The following ERC2 variants were observed in gnomAD, a reference collection of about 807,000 sequenced individuals.
ERC2 encodes the protein ELKS/RAB6-interacting/CAST family member 2.
A neutral mutation model predicts 114.8 loss-of-function variants in ERC2; 42 were observed. The ratio of observed to expected loss-of-function variants is 0.37; its 90% CI spans 0.29 to 0.47. The LOEUF (loss-of-function observed/expected upper bound fraction) is 0.47. ERC2 is among the 20% of genes least tolerant of loss of function. The pLI is 0.99. For missense variants in ERC2, 939 were observed against 1,150.7 expected (o/e 0.82, Z 2.66); for synonymous variants, 454 against 425.5 (o/e 1.07, Z -0.82).
At chr3:56,230,433 T>G (rs986128809) in intron 3 of ERC2, among the ~76,000 whole-genome samples, 1 of 152,130 alleles carries the variant, frequency 6.6e-6, no homozygotes, top group African/African-American at 2.4e-5. Flanking sequence ...GTTTTTTGTT[T>G]GTTTTTTGTA....
At chr3:56,153,505 A>G (rs2081540128) in intron 4 of ERC2, among the ~76,000 whole-genome samples, 2 of 152,162 alleles carry the variant, frequency 1.3e-5, no homozygotes, top group African/African-American at 2.4e-5. Flanking sequence ...GGGTAACTCT[A>G]TTTTCCAAAT....
chr3:55,747,609 T>C (rs1343443507), intron 14 of ERC2, among the ~76,000 whole-genome samples: 1 of 152,250 alleles, frequency 6.6e-6, no homozygotes, highest in Non-Finnish European at 1.5e-5. Context: ...GAAAACACAC[T>C]AAGCCTATCT....
At chr3:55,633,338 C>T (rs2059831357) in intron 17 of ERC2, among the ~76,000 whole-genome samples, 1 of 152,184 alleles carries the variant, frequency 6.6e-6, no homozygotes, top group African/African-American at 2.4e-5. Flanking sequence ...CCAGCAAAAC[C>T]TGCACTGTGG....
intron 2 of ERC2, among the ~76,000 whole-genome samples, chr3:56,422,677 C>T (rs2061430282): frequency 6.6e-6 from 1 of 152,168 alleles, no homozygotes; most frequent in African/African-American, 2.4e-5. Context: ...CCTTGGTTTT[C>T]AAGCAAGTTT....
At chr3:56,400,058 G>A (rs1387646669) in intron 2 of ERC2, among the ~76,000 whole-genome samples, 2 of 151,998 alleles carry the variant, frequency 1.3e-5, no homozygotes, top group African/African-American at 4.8e-5. Context: ...GAGACAACTG[G>A]AAATTGAACA....
chr3:55,711,939 C>G (rs1029985778), intron 15 of ERC2, among the ~76,000 whole-genome samples: 3 of 152,208 alleles, frequency 2.0e-5, no homozygotes, highest in Non-Finnish European at 4.4e-5. Context: ...TCAAAACTGT[C>G]AATCAACATC....
chr3:55,654,304 C>T (rs979547261), intron 17 of ERC2, among the ~76,000 whole-genome samples: 5 of 152,246 alleles, frequency 3.3e-5, no homozygotes, highest in Admixed American at 2.6e-4. Flanking sequence ...ATCAGCAGGA[C>T]ACAAATCCAG....
chr3:56,181,446 T>C (rs6764950), intron 3 of ERC2, among the ~76,000 whole-genome samples: 48,906 of 152,094 alleles, frequency 0.32, 9,640 homozygotes, highest in Middle Eastern at 0.46. Context: ...AACTGAGTGG[T>C]TGTGACAGAG....
intron 2 of ERC2, among the ~76,000 whole-genome samples, chr3:56,432,723 C>G (rs2061847024): frequency 6.6e-6 from 1 of 152,150 alleles, no homozygotes; most frequent in Non-Finnish European, 1.5e-5. Context: ...CAGGTGACTC[C>G]AAGAAAGGCA....
Position 56,080,888 on chromosome 3 carries a change from C to T in ERC2, c.1570G>A (p.Ala524Thr). 6.2e-7 allele frequency: 1 copy of T among 1,613,778 alleles called. No individual in the cohort carries two copies. Among genetic ancestry groups the T allele is most frequent in the Non-Finnish European group, 8.5e-7 (1 of 1,179,776 alleles). The change falls in exon 7 of 18, where the codon GCC becomes ACC. Residue 524 changes from alanine (A) to threonine (T), a missense_variant. Physicochemically the swap from Ala to Thr is moderately conservative, Grantham distance 58. Around this residue, in one of 5 missense-constraint regions of ERC2, gnomAD observed 149 missense variants for 254.6 expected, o/e 0.59. Coordinates refer to ENST00000288221, the MANE Select transcript of ERC2 (RefSeq NM_015576.3). ...TCTTTCATGTCACGAATTTCACCGG[C>T]CAGTGTCCCCTTCTCTTCTGTGAGG... The part of the protein sequence containing the change: ...QDLTEEKGTL[A>T]GEIRDMKDML...
intron 5 of ERC2, among the ~76,000 whole-genome samples, chr3:56,146,427 A>C (rs9816457): frequency 6.6e-6 from 1 of 152,194 alleles, no homozygotes; most frequent in Non-Finnish European, 1.5e-5. Flanking sequence ...ACTGACCCTT[A>C]CTAGTACTTT....
At chr3:55,983,181 G>A (rs1160347451) in intron 12 of ERC2, among the ~76,000 whole-genome samples, 1 of 152,212 alleles carries the variant, frequency 6.6e-6, no homozygotes, top group African/African-American at 2.4e-5. Context: ...GCTGAAGACC[G>A]AGAGGGCCTG....
intron 7 of ERC2, among the ~76,000 whole-genome samples, chr3:56,075,194 T>C (rs1001757938): frequency 6.6e-6 from 1 of 152,112 alleles, no homozygotes; most frequent in African/African-American, 2.4e-5. Flanking sequence ...TGGAGTCACA[T>C]ATCCCAGACT....
In ERC2 at chr3:55,520,433, C is replaced by CA. The variant is rs35883947; in HGVS notation, c.*40-9158dup. ...CCTGGGAGACAGTGAGACTCTGTCT[C>CA]AAAAAAAAAAAAAAAAAAATCTAAG... On this transcript the variant is annotated intron_variant, in intron 17 of 17. Coordinates refer to ENST00000288221, the MANE Select transcript of ERC2 (RefSeq NM_015576.3). Among the ~76,000 whole-genome samples the CA allele has an allele frequency of 3.1e-3, 334 of 109,486 alleles. 14 individuals are homozygous for CA. Among genetic ancestry groups the CA allele is most frequent in the Middle Eastern group, 0.015 (3 of 196 alleles). The allele number at this position is 109,486 out of a possible 152,430, so 71.8% of individuals were successfully genotyped here. A position where few individuals can be genotyped will look rare whatever the true frequency, so the allele number is the denominator to read the frequency against.
chr3:56,149,270 C>G, intron 4 of ERC2, 138 bp from the exon 5 acceptor site: 1 of 780,548 alleles, frequency 1.3e-6, no homozygotes, highest in Non-Finnish European at 1.9e-6. Context: ...GAATTTAGGA[C>G]AACTTATTTT....
chr3:55,539,821 T>A (rs2054273143), intron 17 of ERC2, among the ~76,000 whole-genome samples: 1 of 152,178 alleles, frequency 6.6e-6, no homozygotes, highest in South Asian at 2.1e-4. Context: ...TGTTTGTGAT[T>A]ATAGATTTTT....
chr3:56,387,638 AAGG>A (rs1387319250), intron 2 of ERC2, among the ~76,000 whole-genome samples: 3 of 152,220 alleles, frequency 2.0e-5, no homozygotes, highest in Non-Finnish European at 2.9e-5. Flanking sequence ...CGAAAATGAC[AAGG>A]AGATTTTATA....
intron 15 of ERC2, among the ~76,000 whole-genome samples, chr3:55,701,956 T>C (rs922187001): frequency 1.3e-5 from 2 of 152,228 alleles, no homozygotes; most frequent in African/African-American, 4.8e-5. Flanking sequence ...CGCTCAAGAA[T>C]GAAGGATGGA....
At chr3:56,057,427 G>T (rs2149698726) in intron 7 of ERC2, among the ~76,000 whole-genome samples, 1 of 152,146 alleles carries the variant, frequency 6.6e-6, no homozygotes, top group Non-Finnish European at 1.5e-5. Context: ...TCTTGGTTTT[G>T]CTTTGGGCCT....
Sources: allele counts gnomAD v4.1 joint callset (sites outside exome capture counted in the v4.1 genomes callset), GRCh38; gene constraint gnomAD v4.1.1; regional missense constraint gnomAD v4.1.1; transcripts MANE v1.5; gene names NCBI Gene and HGNC (gene_info 2026-07-23, HGNC 2026-07-21).